Variants in CPPED1 observed in about 807,000 individuals in gnomAD.
CPPED1 encodes the protein calcineurin like phosphoesterase domain containing 1, also known as serine/threonine-protein phosphatase CPPED1.
A neutral mutation model predicts 28.0 loss-of-function variants in CPPED1; 28 were observed. The observed-to-expected ratio is 1.00, with a 90% CI of 0.74 to 1.37. CPPED1 has a LOEUF of 1.37. CPPED1 is among the 40% of genes most tolerant of loss of function. The pLI is 0.00. For synonymous variants in CPPED1, 198 were observed against 180.2 expected (o/e 1.10, Z -0.79); for missense variants, 504 against 416.5 (o/e 1.21, Z -1.83).
chr16:12,756,146 A>AAT (rs1176644839), intron 2 of CPPED1, among the ~76,000 whole-genome samples: 1 of 151,518 alleles, frequency 6.6e-6, no homozygotes, highest in African/African-American at 2.4e-5. Flanking sequence ...ACAAAAAAAA[A>AAT]TCGGAAGTTG....
At chr16:12,724,456 C>T (rs1287867727) in intron 2 of CPPED1, among the ~76,000 whole-genome samples, 9 of 152,204 alleles carry the variant, frequency 5.9e-5, no homozygotes, top group East Asian at 3.9e-4. Flanking sequence ...TCCATTATCG[C>T]GCAGCTGCCA....
At chr16:12,723,290 G>A (rs1249113949) in intron 2 of CPPED1, among the ~76,000 whole-genome samples, 5 of 152,226 alleles carry the variant, frequency 3.3e-5, no homozygotes, top group Non-Finnish European at 7.3e-5. Context: ...CTGTGAAGCT[G>A]CAATGGGCAG....
intron 2 of CPPED1, among the ~76,000 whole-genome samples, chr16:12,731,840 C>T (rs1053152995): frequency 1.3e-5 from 2 of 150,550 alleles, no homozygotes; most frequent in African/African-American, 4.9e-5. Flanking sequence ...TGGTAAGAAA[C>T]AGAGGCGATA....
At chr16:12,801,000 G>A (rs2080656161) in intron 1 of CPPED1, among the ~76,000 whole-genome samples, 1 of 152,180 alleles carries the variant, frequency 6.6e-6, no homozygotes, top group African/African-American at 2.4e-5. Flanking sequence ...CTGAGAGCAT[G>A]TAACTTGAAC....
intron 3 of CPPED1, among the ~76,000 whole-genome samples, chr16:12,691,177 C>G (rs1338320885): frequency 6.6e-6 from 1 of 152,246 alleles, no homozygotes; most frequent in Non-Finnish European, 1.5e-5. Flanking sequence ...TGTCTCCCCA[C>G]GCTGCAGTTT....
intron 1 of CPPED1, among the ~76,000 whole-genome samples, chr16:12,781,631 G>C (rs1264116643): frequency 6.6e-6 from 1 of 152,078 alleles, no homozygotes; most frequent in Non-Finnish European, 1.5e-5. Context: ...TGTCCACGTG[G>C]GCTTCTGCAG....
At chr16:12,727,103 T>C (rs368443970) in intron 2 of CPPED1, among the ~76,000 whole-genome samples, 79 of 152,252 alleles carry the variant, frequency 5.2e-4, no homozygotes, top group African/African-American at 1.9e-3. Flanking sequence ...CTTTAGACCA[T>C]ATACAACTGG....
chr16:12,680,151 G>A (rs1293622830), intron 3 of CPPED1, among the ~76,000 whole-genome samples: 1 of 151,916 alleles, frequency 6.6e-6, no homozygotes, highest in Non-Finnish European at 1.5e-5. Flanking sequence ...TGCTTCCTAG[G>A]CCCATTCAAT....
intron 2 of CPPED1, among the ~76,000 whole-genome samples, chr16:12,746,250 C>T (rs2080286811): frequency 6.6e-6 from 1 of 151,962 alleles, no homozygotes; most frequent in Non-Finnish European, 1.5e-5. Flanking sequence ...TGGCACACAC[C>T]TGTAATCCCA....
rs2079790038 is a variant in CPPED1 at position 12,660,819 on chromosome 16, G to C, written c.*4067C>G. On this transcript the variant is annotated 3_prime_UTR_variant, in exon 4 of 4. Transcript: ENST00000381774. Reference sequence around the variant, plus strand: ...GGTACCACTTGGGAATAAGTATTAAGAGTTCAAGTAAGGCTGGGTACAGTG... The same window carrying C: ...GGTACCACTTGGGAATAAGTATTAACAGTTCAAGTAAGGCTGGGTACAGTG... 6.6e-6 allele frequency: 1 copy of C among 152,208 alleles called. No individual in the cohort carries two copies. Among genetic ancestry groups the C allele is most frequent in the Non-Finnish European group, 1.5e-5 (1 of 68,054 alleles). The allele number at this position is 152,208 out of a possible 1,614,324, so 9.4% of individuals were successfully genotyped here. A position where few individuals can be genotyped will look rare whatever the true frequency, so the allele number is the denominator to read the frequency against.
At chr16:12,773,373 A>G (rs1252005323) in intron 2 of CPPED1, among the ~76,000 whole-genome samples, 1 of 152,222 alleles carries the variant, frequency 6.6e-6, no homozygotes, top group Non-Finnish European at 1.5e-5. Flanking sequence ...ATTATCAGTT[A>G]AAAGGAATGT....
At chr16:12,683,264 C>A (rs946417075) in intron 3 of CPPED1, among the ~76,000 whole-genome samples, 1 of 152,152 alleles carries the variant, frequency 6.6e-6, no homozygotes, top group Non-Finnish European at 1.5e-5. Context: ...AATTTGTGCA[C>A]TTTTCCTTAC....
intron 1 of CPPED1, among the ~76,000 whole-genome samples, chr16:12,801,915 G>T (rs576813655): frequency 6.6e-6 from 1 of 152,298 alleles, no homozygotes; most frequent in East Asian, 1.9e-4. Flanking sequence ...GAACTAGAGA[G>T]AATGAGGAGA....
At chr16:12,740,240 G>C (rs780236246) in intron 2 of CPPED1, among the ~76,000 whole-genome samples, 21 of 151,942 alleles carry the variant, frequency 1.4e-4, no homozygotes, top group Non-Finnish European at 2.5e-4. Context: ...GAGGTCAGGA[G>C]TTCAACACCA....
intron 2 of CPPED1, among the ~76,000 whole-genome samples, chr16:12,746,869 G>A (rs1385361281): frequency 3.3e-5 from 5 of 151,998 alleles, no homozygotes; most frequent in Non-Finnish European, 7.4e-5. Flanking sequence ...GCACGCTAAT[G>A]CAACCTCGAA....
At chr16:12,754,222 AAAT>A (rs1256813667) in intron 2 of CPPED1, among the ~76,000 whole-genome samples, 20 of 152,146 alleles carry the variant, frequency 1.3e-4, no homozygotes, top group African/African-American at 4.6e-4. Context: ...ATGACAGATG[AAAT>A]AATATTGATT....
chr16:12,735,720 G>T (rs1265856680), intron 2 of CPPED1, among the ~76,000 whole-genome samples: 1 of 152,204 alleles, frequency 6.6e-6, no homozygotes, highest in Non-Finnish European at 1.5e-5. Context: ...ACAATGCCTG[G>T]AACACAGCAA....
At chr16:12,781,904 G>A (rs1230789767) in intron 1 of CPPED1, among the ~76,000 whole-genome samples, 1 of 152,064 alleles carries the variant, frequency 6.6e-6, no homozygotes, top group Non-Finnish European at 1.5e-5. Context: ...GCGCTTGGAA[G>A]CTCTGGCTAT....
intron 2 of CPPED1, among the ~76,000 whole-genome samples, chr16:12,717,046 G>C (rs1322927763): frequency 6.6e-6 from 1 of 152,192 alleles, no homozygotes; most frequent in African/African-American, 2.4e-5. Flanking sequence ...GCTGAACAGG[G>C]GGAAAGAAGG....
Sources: gnomAD v4.1 joint callset for allele counts (sites outside exome capture counted in the v4.1 genomes callset) on GRCh38, gnomAD v4.1.1 for gene constraint, MANE v1.5 for transcripts, NCBI Gene and HGNC (gene_info 2026-07-23, HGNC 2026-07-21) for gene names.